C6orf132: variants seen among roughly 807,000 people sequenced by gnomAD.
C6orf132 encodes the protein uncharacterized protein C6orf132.
Under a neutral mutation model 65.3 loss-of-function variants are expected in C6orf132, and 43 were observed. The observed-to-expected ratio is 0.66, with a 90% CI of 0.52 to 0.85. The LOEUF (loss-of-function observed/expected upper bound fraction) is 0.85, where lower values mean the gene tolerates loss of function less well. Among genes scored for constraint, C6orf132 ranks in the 40% least tolerant of loss-of-function variants. The pLI is 0.00. For synonymous variants in C6orf132, 631 were observed against 654.1 expected, an observed-to-expected ratio of 0.96 and a Z score of 0.54; for missense variants, 1,488 against 1,548.8, an observed-to-expected ratio of 0.96 and a Z score of 0.66.
chr6:42,134,458 T>A (rs1370304593), intron 1 of C6orf132, among the ~76,000 whole-genome samples: 1 of 152,092 alleles, frequency 6.6e-6, no homozygotes, highest in African/African-American at 2.4e-5. Flanking sequence ...GGCAGGAGGA[T>A]TACTTGAGGT....
At position 42,104,654 on chromosome 6, in the gene C6orf132, C is replaced by T. The variant is rs755583581; in HGVS notation, c.3258G>A (p.Leu1086=). 1.1e-5 allele frequency: 17 copies of T among 1,488,238 alleles called. No individual in the cohort carries two copies. The highest frequency in any genetic ancestry group is 2.5e-5 in the South Asian group (2 of 78,648). 92.2% of individuals were successfully genotyped at this position (1,488,238 alleles called of 1,614,324 possible). A position where few individuals can be genotyped will look rare whatever the true frequency, so the allele number is the denominator to read the frequency against. The change falls in exon 4 of 5, where the codon CTG becomes CTA. Residue 1086 remains leucine, a synonymous_variant. Transcript: ENST00000341865. This position sits in a 1 kb window ranked among gnomAD's most constrained non-coding sequence, Gnocchi z 4.1. ...GLPHGGTGRS[L]SSPNCFGPQP... ...GCGGCCCGAAGCAGTTGGGAGAGCT[C>T]AGGCTGCGGCCGGTGCCACCGTGGG...
rs1766322720 is a variant in C6orf132 at position 42,103,211 on chromosome 6, T to C, written c.*550A>G. On this transcript the variant is annotated 3_prime_UTR_variant, in exon 5 of 5. Coordinates refer to ENST00000341865, the MANE Select transcript of C6orf132 (RefSeq NM_001164446.3). ...ATACACATTCCTGGTCCCACCTCAATGCGGCTAGGAACCCCAGGTGTCCAC... is the reference window on the plus strand; with the variant it reads ...ATACACATTCCTGGTCCCACCTCAACGCGGCTAGGAACCCCAGGTGTCCAC... 2 of 398,534 alleles carry C rather than the reference T, an allele frequency of 5.0e-6. No individual in the cohort carries two copies. The highest frequency in any genetic ancestry group is 8.8e-6 in the Non-Finnish European group (2 of 226,112). 24.7% of individuals were successfully genotyped at this position (398,534 alleles called of 1,614,324 possible).
intron 1 of C6orf132, among the ~76,000 whole-genome samples, chr6:42,137,682 A>G (rs1043787407): frequency 6.6e-6 from 1 of 152,084 alleles, no homozygotes; most frequent in Non-Finnish European, 1.5e-5. Context: ...CATGTGGGGA[A>G]GGAAATACCA....
chr6:42,107,525 C>T lies in C6orf132; in HGVS notation c.387G>A (p.Arg129=). ...LRLYSSVGDL[R]PGQYGQDLLI... The stretch of plus-strand genomic sequence containing the variant: ...GTAGATCCTGGCCATATTGTCCAGG[C>T]CTCAGGTCACCCACAGAGCTGTACA... Residue 129 remains arginine, a synonymous_variant, in exon 4 of 5, where the codon AGG becomes AGA. Coordinates refer to ENST00000341865, the MANE Select transcript of C6orf132 (RefSeq NM_001164446.3). 1 of 1,550,546 alleles carries T rather than the reference C, an allele frequency of 6.4e-7. No homozygotes were observed. The highest frequency in any genetic ancestry group is 1.2e-5 in the South Asian group (1 of 84,050).
At chr6:42,116,084 C>T (rs1369678522) in intron 2 of C6orf132, among the ~76,000 whole-genome samples, 2 of 151,738 alleles carry the variant, frequency 1.3e-5, no homozygotes, top group East Asian at 1.9e-4. Flanking sequence ...GACCTGCCAC[C>T]ACACCCGGCT....
chr6:42,107,477 G>C lies in C6orf132; in HGVS notation c.435C>G (p.Gly145=). The change falls in exon 4 of 5, where the codon GGC becomes GGG. Residue 145 remains glycine, a synonymous_variant. Coordinates refer to ENST00000341865, the MANE Select transcript of C6orf132 (RefSeq NM_001164446.3). ...QDLLIPPPPP[G]PAPGPPQDIS... is the part of the protein sequence containing the mutation. ...TGTCCTGAGGGGGCCCTGGGGCTGG[G>C]CCTGGGGGAGGTGGGGGGATGAGTA... 6.5e-7 allele frequency: 1 copy of C among 1,542,626 alleles called. No homozygotes were observed. Among genetic ancestry groups the C allele is most frequent in the Non-Finnish European group, 8.8e-7 (1 of 1,142,846 alleles).
chr6:42,126,315 A>G (rs12201988), intron 2 of C6orf132: 43,369 of 150,594 alleles, frequency 0.29, 6,326 homozygotes, highest in Middle Eastern at 0.35. Flanking sequence ...TCCTGACCTC[A>G]TGATCCACCC....
chr6:42,103,814 G>A lies in C6orf132; in HGVS notation c.3514C>T (p.Arg1172Cys), dbSNP rs544923855. The A allele has an allele frequency of 4.6e-5, 69 of 1,490,892 alleles. 1 individual carries two copies. In the South Asian group the frequency reaches 7.0e-4, roughly 15 times the overall value. The allele number at this position is 1,490,892 out of a possible 1,614,324, so 92.4% of individuals were successfully genotyped here. Residue 1172 changes from arginine to cysteine, a missense_variant, in exon 5 of 5, where the codon CGC (arginine) becomes TGC (cysteine). Arg to Cys is a radical substitution (Grantham distance 180). Coordinates refer to ENST00000341865, the MANE Select transcript of C6orf132 (RefSeq NM_001164446.3). The part of the protein sequence containing the change: ...INTFTVRPGT[R>C]HPISYVCSGA... ...GAGCAGACATAGGAGATGGGATGGC[G>A]GGTCCCAGGCCTCACGGTGAACGTG...
At chr6:42,137,816 C>CA (rs1562043341) in intron 1 of C6orf132, among the ~76,000 whole-genome samples, 2 of 43,950 alleles carry the variant, frequency 4.6e-5, no homozygotes, top group African/African-American at 1.3e-4. Flanking sequence ...GAGGCAGGGG[C>CA]GGGGGCGGGG....
At chr6:42,109,034 T>C (rs1582270599) in intron 3 of C6orf132, among the ~76,000 whole-genome samples, 1 of 152,208 alleles carries the variant, frequency 6.6e-6, no homozygotes, top group Non-Finnish European at 1.5e-5. Context: ...AGCTTACGCT[T>C]GAACGGGACA....
chr6:42,119,248 C>CAAAAAAAAAAAAAAAAAAAAAAAAA (rs1156356191), intron 2 of C6orf132, among the ~76,000 whole-genome samples: 1 of 44,776 alleles, frequency 2.2e-5, no homozygotes, highest in African/African-American at 9.8e-5. Flanking sequence ...GACTCTGTCT[C>CAAAAAAAAAAAAAAAAAAAAAAAAA]AAAAAAAAAA....
At position 42,105,664 on chromosome 6, in the gene C6orf132, A is replaced by G; in HGVS notation, c.2248T>C (p.Ser750Pro). The G allele has an allele frequency of 1.3e-6, 2 of 1,537,232 alleles. No homozygotes were observed. The highest frequency in any genetic ancestry group is 4.9e-5 in the East Asian group (2 of 40,924). ...ATRLPTQGAR[S>P]SAAFPPKTSP... ...GTCTTTGGTGGGAAGGCTGCAGATG[A>G]GCGGGCTCCCTGTGTGGGCAGCCTA... The change falls in exon 4 of 5, where the codon TCA (serine) becomes CCA (proline). Residue 750 changes from serine to proline, a missense_variant. Physicochemically the swap from Ser to Pro is moderately conservative, Grantham distance 74. Coordinates refer to ENST00000341865, the MANE Select transcript of C6orf132 (RefSeq NM_001164446.3).
chr6:42,105,655 C>A lies in C6orf132; in HGVS notation c.2257G>T (p.Ala753Ser). 6.5e-7 allele frequency: 1 copy of A among 1,537,232 alleles called. No homozygotes were observed. The highest frequency in any genetic ancestry group is 1.2e-5 in the South Asian group (1 of 84,068). ...CCAGGAGATGTCTTTGGTGGGAAGG[C>A]TGCAGATGAGCGGGCTCCCTGTGTG... ...LPTQGARSSA[A>S]FPPKTSPGGG... The change falls in exon 4 of 5, where the codon GCC becomes TCC. Residue 753 changes from alanine (A) to serine (S), a missense_variant. Coordinates refer to ENST00000341865, the MANE Select transcript of C6orf132 (RefSeq NM_001164446.3).
chr6:42,107,319 G>A lies in C6orf132; in HGVS notation c.593C>T (p.Ser198Phe). Residue 198 changes from serine (S) to phenylalanine (F), a missense_variant, in exon 4 of 5, where the codon TCC becomes TTC. Physicochemically the swap from Ser to Phe is radical, Grantham distance 155. Coordinates refer to ENST00000341865, the MANE Select transcript of C6orf132 (RefSeq NM_001164446.3). ...PPPPPVLEAL[S>F]PPHTLSSPSI... The stretch of plus-strand genomic sequence containing the variant: ...TGGGGAGGAAAGAGTGTGTGGTGGG[G>A]ATAGGGCCTCCAATACTGGGGGTGG... 3 of 1,187,388 alleles carry A rather than the reference G, an allele frequency of 2.5e-6. No homozygotes were observed. In the South Asian group the frequency reaches 4.7e-5, roughly 19 times the overall value. The allele number at this position is 1,187,388 out of a possible 1,614,324, so 73.6% of individuals were successfully genotyped here. A position where few individuals can be genotyped will look rare whatever the true frequency, so the allele number is the denominator to read the frequency against.
chr6:42,127,481 T>G (rs897777873), intron 2 of C6orf132, among the ~76,000 whole-genome samples: 1 of 151,738 alleles, frequency 6.6e-6, no homozygotes, highest in Non-Finnish European at 1.5e-5. Flanking sequence ...AAACCGGTGA[T>G]GGGGAGAGGA....
At chr6:42,117,046 T>G (rs886532357) in intron 2 of C6orf132, among the ~76,000 whole-genome samples, 2 of 152,182 alleles carry the variant, frequency 1.3e-5, no homozygotes, top group African/African-American at 4.8e-5. Context: ...CTGCCTAGGA[T>G]TCTCTTCTTT....
intron 1 of C6orf132, among the ~76,000 whole-genome samples, chr6:42,135,046 C>T (rs529225013): frequency 6.6e-5 from 10 of 152,244 alleles, no homozygotes; most frequent in African/African-American, 2.2e-4. Context: ...TTGTTGTGAT[C>T]GTCATTTTCT....
In C6orf132 at chr6:42,104,630, C is replaced by A. The variant is rs1470977494; in HGVS notation, c.3282G>T (p.Pro1094=). 1.4e-6 allele frequency: 2 copies of A among 1,393,466 alleles called. No homozygotes were observed. Among genetic ancestry groups the A allele is most frequent in the South Asian group, 1.6e-5 (1 of 63,270 alleles). The allele number at this position is 1,393,466 out of a possible 1,614,324, so 86.3% of individuals were successfully genotyped here. A position where few individuals can be genotyped will look rare whatever the true frequency, so the allele number is the denominator to read the frequency against. The part of the protein sequence containing the change: ...RSLSSPNCFG[P]QPGGPEMRRV... ...GCCGCATCTCGGGGCCTCCGGGCTG[C>A]GGCCCGAAGCAGTTGGGAGAGCTCA... Residue 1094 remains proline (P), a synonymous_variant, in exon 4 of 5, where the codon CCG becomes CCT. Transcript: ENST00000341865. This position sits in a 1 kb window ranked among gnomAD's most constrained non-coding sequence, Gnocchi z 4.1.
At chr6:42,112,153 A>G (rs1766506744) in intron 2 of C6orf132, among the ~76,000 whole-genome samples, 2 of 152,204 alleles carry the variant, frequency 1.3e-5, no homozygotes, top group African/African-American at 4.8e-5. Context: ...ACTGTGCTCT[A>G]ACTAAACACA....
Sources: gnomAD v4.1 joint callset for allele counts (sites outside exome capture counted in the v4.1 genomes callset) on GRCh38, gnomAD v4.1.1 for gene constraint, Gnocchi (gnomAD v3.1) non-coding constraint, MANE v1.5 for transcripts, NCBI Gene and HGNC (gene_info 2026-07-23, HGNC 2026-07-21) for gene names.